Variants in GLMN observed in about 807,000 individuals in gnomAD.
GLMN encodes glomulin.
GLMN carries 75 observed loss-of-function variants against 87.8 expected under a neutral mutation model. That is an observed-to-expected ratio of 0.85 (90% CI 0.71 to 1.04). The LOEUF is 1.04. Among genes scored for constraint, GLMN ranks in the 50% least tolerant of loss-of-function variants. The pLI, the probability that GLMN is intolerant of heterozygous loss-of-function variation, is 0.00. For synonymous variants in GLMN, 206 were observed against 221.6 expected, an observed-to-expected ratio of 0.93 and a Z score of 0.63; for missense variants, 588 against 658.8, an observed-to-expected ratio of 0.89 and a Z score of 1.18.
chr1:92,319,097 C>G, the GLMN span, among the ~76,000 whole-genome samples: 4 of 152,042 alleles, frequency 2.6e-5, no homozygotes, highest in Non-Finnish European at 4.4e-5. Context: ...AGTGGAGATT[C>G]AAGGGATTAG....
the GLMN span, among the ~76,000 whole-genome samples, chr1:92,305,432 C>CAA: frequency 0.015 from 784 of 52,604 alleles, 73 homozygotes; most frequent in African/African-American, 0.041. Flanking sequence ...GGCTCCGTCT[C>CAA]AAAAAAAAAA....
chr1:92,285,614 T>A (rs1648659601), intron 7 of GLMN, among the ~76,000 whole-genome samples: 1 of 152,042 alleles, frequency 6.6e-6, no homozygotes, highest in Admixed American at 6.6e-5. Context: ...AAAGTATAAT[T>A]GAAAAAGAAA....
Position 92,260,487 on chromosome 1 carries a change from T to C in GLMN, c.1473+2376A>G. ...AAAAATTAGCTGGTGTGGTGGTGCC[T>C]GGCTGTAGTCCCAGCTACTCGGGAG... On this transcript the variant is annotated intron_variant, in intron 16 of 18. Coordinates refer to ENST00000370360, the MANE Select transcript of GLMN (RefSeq NM_053274.3). Among the ~76,000 whole-genome samples, 2 of 151,830 alleles carry C rather than the reference T, an allele frequency of 1.3e-5. 1 individual carries two copies. The highest frequency in any genetic ancestry group is 2.9e-5 in the Non-Finnish European group (2 of 67,946).
the GLMN span, among the ~76,000 whole-genome samples, chr1:92,342,665 T>C: frequency 6.6e-6 from 1 of 152,120 alleles, no homozygotes; most frequent in Admixed American, 6.6e-5. Flanking sequence ...TAAGAAATGG[T>C]GTGACTGAAG....
the GLMN span, among the ~76,000 whole-genome samples, chr1:92,322,223 G>A: frequency 1.3e-5 from 2 of 151,250 alleles, no homozygotes; most frequent in South Asian, 2.1e-4. Flanking sequence ...TGGGATTACA[G>A]ATGTGAGTCA....
chr1:92,261,468 G>A (rs1022470556), intron 16 of GLMN, among the ~76,000 whole-genome samples: 1 of 152,010 alleles, frequency 6.6e-6, no homozygotes, highest in East Asian at 1.9e-4. Context: ...GCAAGAGAAC[G>A]AGACGCTCTC....
At chr1:92,304,170 G>T in the GLMN span, 1 of 1,169,262 alleles carries the variant, frequency 8.6e-7, no homozygotes, top group Non-Finnish European at 1.3e-6. Context: ...CTAAGGTCAT[G>T]AACTAAAGGC....
At chr1:92,250,439 C>T (rs1240339028) in intron 16 of GLMN, among the ~76,000 whole-genome samples, 1 of 152,060 alleles carries the variant, frequency 6.6e-6, no homozygotes, top group Non-Finnish European at 1.5e-5. Context: ...ATAAGCATTC[C>T]ATTATATGGA....
At chr1:92,256,741 G>A (rs1201998857) in intron 16 of GLMN, among the ~76,000 whole-genome samples, 1 of 152,152 alleles carries the variant, frequency 6.6e-6, no homozygotes, top group African/African-American at 2.4e-5. Flanking sequence ...ACTAGGTATT[G>A]ATGGAACGTA....
At chr1:92,303,511 G>A (rs1651006044), upstream of GLMN, among the ~76,000 whole-genome samples, 1 of 152,022 alleles carries the variant, frequency 6.6e-6, no homozygotes, top group African/African-American at 2.4e-5. Flanking sequence ...TGCACAAACT[G>A]TGTTCTGCAG....
At chr1:92,248,138 C>T (rs1652945145) in intron 16 of GLMN, 149 bp from the exon 17 acceptor site, 1 of 604,050 alleles carries the variant, frequency 1.7e-6, no homozygotes, top group South Asian at 2.0e-5. Context: ...ATTACTATAG[C>T]TAGTTATGTG....
At chr1:92,362,899 C>T in the GLMN span, among the ~76,000 whole-genome samples, 1 of 152,046 alleles carries the variant, frequency 6.6e-6, no homozygotes, top group African/African-American at 2.4e-5. Flanking sequence ...AAAAATGTTG[C>T]TCTAAAATAC....
At chr1:92,335,630 CAT>C in the GLMN span, among the ~76,000 whole-genome samples, 1 of 152,014 alleles carries the variant, frequency 6.6e-6, no homozygotes, top group Non-Finnish European at 1.5e-5. Flanking sequence ...TTATATAATA[CAT>C]GTTTTTATAA....
the GLMN span, among the ~76,000 whole-genome samples, chr1:92,319,998 CAA>C: frequency 2.2e-4 from 20 of 90,262 alleles, no homozygotes; most frequent in Admixed American, 2.4e-4. Flanking sequence ...AACTCCATCT[CAA>C]AAAAAAAAAA....
upstream of GLMN, among the ~76,000 whole-genome samples, chr1:92,299,976 C>A (rs906699198): frequency 5.9e-5 from 9 of 152,244 alleles, no homozygotes; most frequent in Non-Finnish European, 1.0e-4. Context: ...ATGGTACAGC[C>A]TACTTACACA....
At chr1:92,364,219 C>CGGTA in the GLMN span, among the ~76,000 whole-genome samples, 1 of 152,090 alleles carries the variant, frequency 6.6e-6, no homozygotes, top group African/African-American at 2.4e-5. Context: ...ATCTCCATAC[C>CGGTA]ACCAGTAGTT....
the GLMN span, among the ~76,000 whole-genome samples, chr1:92,351,918 G>T: frequency 6.6e-6 from 1 of 152,102 alleles, no homozygotes; most frequent in Non-Finnish European, 1.5e-5. Flanking sequence ...TGTATCATAG[G>T]AGTCAAATGT....
At chr1:92,367,987 T>G in the GLMN span, among the ~76,000 whole-genome samples, 20 of 152,350 alleles carry the variant, frequency 1.3e-4, no homozygotes, top group East Asian at 3.9e-3. Flanking sequence ...GGAAGGTGCC[T>G]GATGTGATCT....
At chr1:92,308,681 C>G in the GLMN span, among the ~76,000 whole-genome samples, 1 of 152,206 alleles carries the variant, frequency 6.6e-6, no homozygotes, top group Non-Finnish European at 1.5e-5. Flanking sequence ...ATCTTCCAGC[C>G]TGGTGTAGTG....
Sources: gnomAD v4.1 joint callset for allele counts (sites outside exome capture counted in the v4.1 genomes callset) on GRCh38, gnomAD v4.1.1 for gene constraint, MANE v1.5 for transcripts, NCBI Gene and HGNC (gene_info 2026-07-23, HGNC 2026-07-21) for gene names.